ETS1: variants seen among roughly 807,000 people sequenced by gnomAD.
ETS1 encodes protein C-ets-1.
In ETS1, 15 loss-of-function variants were observed where a neutral mutation model predicts 58.6. That is an observed-to-expected ratio of 0.26 (90% CI 0.17 to 0.39). The LOEUF is 0.39. Among genes scored for constraint, ETS1 ranks in the 10% least tolerant of loss-of-function variants. The pLI, the probability that ETS1 is intolerant of heterozygous loss-of-function variation, is 1.00. For missense variants in ETS1, 417 were observed against 610.5 expected, an observed-to-expected ratio of 0.68 and a Z score of 3.34; for synonymous variants, 214 against 218.2, an observed-to-expected ratio of 0.98 and a Z score of 0.17.
intron 3 of ETS1, chr11:128,522,100 G>T: frequency 7.6e-7 from 1 of 1,313,248 alleles, no homozygotes; most frequent in South Asian, 2.1e-5. Context: ...GGGGAAATCC[G>T]ACTTTCTTCC....
At chr11:128,537,680 C>A (rs963315737) in intron 3 of ETS1, among the ~76,000 whole-genome samples, 1 of 152,098 alleles carries the variant, frequency 6.6e-6, no homozygotes, top group Admixed American at 6.5e-5. Flanking sequence ...CAGCTGGTCA[C>A]GGAACATATA....
intron 3 of ETS1, among the ~76,000 whole-genome samples, chr11:128,498,787 G>T (rs1485911863): frequency 1.3e-5 from 2 of 152,100 alleles, no homozygotes; most frequent in East Asian, 3.9e-4. Flanking sequence ...CCTCCATAGG[G>T]TACATTAAAG....
intron 3 of ETS1, among the ~76,000 whole-genome samples, chr11:128,528,566 G>A (rs1282387696): frequency 1.3e-5 from 2 of 152,160 alleles, no homozygotes. Flanking sequence ...CAGCAACTGA[G>A]GTTCAGTCAT....
chr11:128,524,077 A>G (rs974275571), intron 3 of ETS1, among the ~76,000 whole-genome samples: 4 of 152,136 alleles, frequency 2.6e-5, no homozygotes, highest in East Asian at 1.9e-4. Context: ...GTACTTCTCT[A>G]TTTTCAAATG....
rs568246558 is a variant in ETS1 at position 128,536,618 on chromosome 11, T to A, written c.214+19673A>T. 112 of 152,316 alleles carry A rather than the reference T, an allele frequency of 7.4e-4. 2 individuals are homozygous for A. Among genetic ancestry groups the A allele is most frequent in the African/African-American group, 2.6e-3 (106 of 41,560 alleles). The allele number at this position is 152,316 out of a possible 1,614,324, so 9.4% of individuals were successfully genotyped here. A position where few individuals can be genotyped will look rare whatever the true frequency, so the allele number is the denominator to read the frequency against. Reference sequence around the variant, plus strand: ...GATCCAATTGAGACTGTGAGCAATGTTAAGAGGCATAACAGCCAAATCAAG... The same window carrying A: ...GATCCAATTGAGACTGTGAGCAATGATAAGAGGCATAACAGCCAAATCAAG... On this transcript the variant is annotated intron_variant, in intron 3 of 9. Transcript: ENST00000392668.
At chr11:128,563,608 C>A (rs561699260) in intron 2 of ETS1, among the ~76,000 whole-genome samples, 1 of 152,316 alleles carries the variant, frequency 6.6e-6, no homozygotes, top group East Asian at 1.9e-4. Flanking sequence ...CGACTGACAA[C>A]CTTCATTGGA....
chr11:128,574,475 C>T, intron 1 of ETS1, among the ~76,000 whole-genome samples: 1 of 152,118 alleles, frequency 6.6e-6, no homozygotes, highest in East Asian at 1.9e-4. Flanking sequence ...AGGAAGAGCT[C>T]CTCATTGGTG....
intron 1 of ETS1, among the ~76,000 whole-genome samples, chr11:128,578,856 ATACT>A (rs1262844253): frequency 6.6e-6 from 1 of 152,232 alleles, no homozygotes; most frequent in Non-Finnish European, 1.5e-5. Context: ...TGTATATATC[ATACT>A]TTTAAAGAGC....
intron 2 of ETS1, among the ~76,000 whole-genome samples, chr11:128,566,707 T>C (rs1864507753): frequency 6.8e-6 from 1 of 146,916 alleles, no homozygotes. Context: ...GGCGTGAATC[T>C]GGGGGGCAGA....
intron 3 of ETS1, among the ~76,000 whole-genome samples, chr11:128,531,301 C>T (rs1319686750): frequency 6.6e-6 from 1 of 152,178 alleles, no homozygotes; most frequent in Non-Finnish European, 1.5e-5. Context: ...CAGAGTTGAA[C>T]TGAGATGAGA....
intron 2 of ETS1, among the ~76,000 whole-genome samples, chr11:128,565,298 G>A (rs1371797405): frequency 6.6e-6 from 1 of 152,190 alleles, no homozygotes; most frequent in Non-Finnish European, 1.5e-5. Context: ...AGAGAATGCA[G>A]CAGGAAGGGT....
At chr11:128,562,982 A>C (rs1167477730) in intron 2 of ETS1, among the ~76,000 whole-genome samples, 1 of 151,376 alleles carries the variant, frequency 6.6e-6, no homozygotes, top group Non-Finnish European at 1.5e-5. Context: ...AAAAAAAAAG[A>C]ATAGGAGAAT....
chr11:128,557,153 T>C (rs1864325678), intron 2 of ETS1, among the ~76,000 whole-genome samples: 1 of 152,210 alleles, frequency 6.6e-6, no homozygotes, highest in African/African-American at 2.4e-5. Flanking sequence ...GCTCTATCAC[T>C]TACCAACATG....
intron 3 of ETS1, among the ~76,000 whole-genome samples, chr11:128,553,305 A>G (rs1368045517): frequency 1.3e-5 from 2 of 152,256 alleles, no homozygotes; most frequent in African/African-American, 4.8e-5. Flanking sequence ...ACAGCTGCAC[A>G]GGCAATTGCA....
At chr11:128,575,608 G>GA (rs1223287818) in intron 1 of ETS1, among the ~76,000 whole-genome samples, 1 of 152,190 alleles carries the variant, frequency 6.6e-6, no homozygotes, top group Non-Finnish European at 1.5e-5. Context: ...AAAAATCTGA[G>GA]AAAGACAGGA....
intron 8 of ETS1, among the ~76,000 whole-genome samples, chr11:128,466,921 C>A (rs764096996): frequency 6.6e-5 from 10 of 152,176 alleles, no homozygotes; most frequent in Non-Finnish European, 1.2e-4. Context: ...CAGTTCCTGG[C>A]TCCCTCCCCC....
rs1268680000 is a variant in ETS1 at position 128,458,972 on chromosome 11, C to A, written c.*3389G>T. On this transcript the variant is annotated 3_prime_UTR_variant, in exon 10 of 10. Coordinates refer to ENST00000392668, the MANE Select transcript of ETS1 (RefSeq NM_001143820.2). The surrounding 1 kb of genome is among the most constrained non-coding windows in gnomAD (Gnocchi z 4.3). ...ACATCGCTACATCTCTAAGCTACCT[C>A]AGTTCTGATTTTTAAAAAGCACCTG... 6.6e-6 allele frequency: 1 copy of A among 152,442 alleles called. No homozygotes were observed. The highest frequency in any genetic ancestry group is 2.4e-5 in the African/African-American group (1 of 41,324). 9.4% of individuals were successfully genotyped at this position (152,442 alleles called of 1,614,324 possible). A position where few individuals can be genotyped will look rare whatever the true frequency, so the allele number is the denominator to read the frequency against.
chr11:128,585,312 G>GAAA (rs1565422171), intron 1 of ETS1, among the ~76,000 whole-genome samples: 15 of 119,026 alleles, frequency 1.3e-4, no homozygotes, highest in African/African-American at 4.4e-4. Flanking sequence ...GGGAAGGGAG[G>GAAA]GAAGAAGGAA....
At chr11:128,473,663 G>A (rs1394648919) in intron 8 of ETS1, among the ~76,000 whole-genome samples, 1 of 152,134 alleles carries the variant, frequency 6.6e-6, no homozygotes, top group East Asian at 1.9e-4. Flanking sequence ...GTGACTGATG[G>A]GGTGCTGATG....
Sources: allele counts gnomAD v4.1 joint callset (sites outside exome capture counted in the v4.1 genomes callset), GRCh38; gene constraint gnomAD v4.1.1; non-coding constraint Gnocchi (gnomAD v3.1); transcripts MANE v1.5; gene names NCBI Gene and HGNC (gene_info 2026-07-23, HGNC 2026-07-21).